Variants in GLRA1 observed in about 807,000 individuals in gnomAD.
The protein encoded by GLRA1 is glycine receptor alpha 1.
In GLRA1, 37 loss-of-function variants were observed where a neutral mutation model predicts 48.3. That is an observed-to-expected ratio of 0.77 (90% confidence interval 0.59 to 1.01). The LOEUF (loss-of-function observed/expected upper bound fraction) is 1.01, where lower values mean the gene tolerates loss of function less well. GLRA1 is among the 50% of genes least tolerant of loss of function. GLRA1 has a pLI of 0.00. For missense variants in GLRA1, 427 were observed against 571.0 expected (o/e 0.75, Z 2.57); for synonymous variants, 196 against 210.7 (o/e 0.93, Z 0.60).
At chr5:151,824,195 C>T (rs889366075) in intron 8 of GLRA1, among the ~76,000 whole-genome samples, 1 of 151,552 alleles carries the variant, frequency 6.6e-6, no homozygotes, top group African/African-American at 2.4e-5. Context: ...ATGGGGGTCT[C>T]GCTATGTTGC....
chr5:151,832,477 C>A (rs774302096), intron 7 of GLRA1, among the ~76,000 whole-genome samples: 12 of 152,026 alleles, frequency 7.9e-5, no homozygotes, highest in Admixed American at 3.9e-4. Flanking sequence ...AGCTGAAAAA[C>A]ACAGCGCAAG....
chr5:151,886,774 C>G lies in GLRA1; in HGVS notation c.199G>C (p.Val67Leu). The change falls in exon 3 of 9, where the codon GTG becomes CTG. Residue 67 changes from valine to leucine, a missense_variant. Physicochemically the swap from Val to Leu is conservative, Grantham distance 32. This residue lies in a region of GLRA1 where 271 missense variants were observed against 434.9 expected (regional missense o/e 0.62). Coordinates refer to ENST00000274576, the MANE Select transcript of GLRA1 (RefSeq NM_000171.4). Reference protein sequence around the residue: ...RPNFKGPPVNVSCNIFINSFG... With the variant: ...RPNFKGPPVNLSCNIFINSFG... ...CTGTTGATGAAAATGTTGCAGCTCA[C>G]GTTCACTGGGGGACCTGCCAATCAA... The G allele has an allele frequency of 6.2e-7, 1 of 1,612,950 alleles. No homozygotes were observed. Among genetic ancestry groups the G allele is most frequent in the East Asian group, 2.2e-5 (1 of 44,882 alleles).
intron 7 of GLRA1, among the ~76,000 whole-genome samples, chr5:151,830,691 A>G (rs1482920615): frequency 6.6e-6 from 1 of 152,236 alleles, no homozygotes; most frequent in Admixed American, 6.5e-5. Flanking sequence ...CTGACTACCA[A>G]CCTGAGCAGA....
chr5:151,856,430 G>A (rs778280878), intron 4 of GLRA1, 47 bp from the exon 5 acceptor site: 14 of 1,225,468 alleles, frequency 1.1e-5, no homozygotes, highest in Non-Finnish European at 1.7e-5. Flanking sequence ...GCACATCAGG[G>A]AGGCTGTGCC....
chr5:151,838,086 C>T (rs982430701), intron 7 of GLRA1, among the ~76,000 whole-genome samples: 6 of 152,094 alleles, frequency 3.9e-5, no homozygotes, highest in African/African-American at 9.7e-5. Flanking sequence ...TAGACAAAGA[C>T]TTTAAATCAG....
At chr5:151,897,377 C>A (rs900212631) in intron 1 of GLRA1, among the ~76,000 whole-genome samples, 1 of 152,036 alleles carries the variant, frequency 6.6e-6, no homozygotes, top group East Asian at 1.9e-4. Flanking sequence ...GACAGAGGAG[C>A]TGGGAATGAA....
intron 1 of GLRA1, among the ~76,000 whole-genome samples, chr5:151,913,878 TAGAA>T (rs1338699617): frequency 1.3e-5 from 2 of 152,194 alleles, no homozygotes; most frequent in Admixed American, 6.5e-5. Flanking sequence ...ATCCAGCTCT[TAGAA>T]AGGTGTCAGG....
At chr5:151,830,882 G>A (rs944664304) in intron 7 of GLRA1, among the ~76,000 whole-genome samples, 2 of 152,166 alleles carry the variant, frequency 1.3e-5, no homozygotes, top group Admixed American at 6.5e-5. Context: ...GAACAGCTCC[G>A]GTCTGCAGCT....
chr5:151,919,285 A>G (rs1338927306), intron 1 of GLRA1, among the ~76,000 whole-genome samples: 6 of 152,204 alleles, frequency 3.9e-5, no homozygotes, highest in African/African-American at 1.2e-4. Flanking sequence ...AAAAACAAAA[A>G]CATAGGCTTT....
At chr5:151,914,242 A>G (rs1348886113) in intron 1 of GLRA1, among the ~76,000 whole-genome samples, 1 of 152,226 alleles carries the variant, frequency 6.6e-6, no homozygotes, top group Non-Finnish European at 1.5e-5. Context: ...GATGTCTGAG[A>G]CAGCATTGCC....
intron 1 of GLRA1, among the ~76,000 whole-genome samples, chr5:151,900,173 T>C (rs1243058318): frequency 6.6e-6 from 1 of 152,114 alleles, no homozygotes; most frequent in East Asian, 1.9e-4. Context: ...ATGAGGTACC[T>C]AGTAAAATTT....
intron 3 of GLRA1, among the ~76,000 whole-genome samples, chr5:151,867,655 A>G (rs749564060): frequency 1.3e-5 from 2 of 152,196 alleles, no homozygotes; most frequent in Non-Finnish European, 2.9e-5. Context: ...GGCATTTTCA[A>G]CCTAATTTTA....
intron 7 of GLRA1, among the ~76,000 whole-genome samples, chr5:151,846,858 C>G (rs983354176): frequency 4.6e-5 from 7 of 152,260 alleles, no homozygotes; most frequent in Admixed American, 6.5e-5. Flanking sequence ...TTATTTCTAA[C>G]TCAATAATAA....
At chr5:151,890,816 C>G (rs1345768832) in intron 2 of GLRA1, among the ~76,000 whole-genome samples, 1 of 152,182 alleles carries the variant, frequency 6.6e-6, no homozygotes, top group Non-Finnish European at 1.5e-5. Context: ...GGACAGCAAC[C>G]TTGTTATTGA....
At chr5:151,833,796 CAA>C (rs757336792) in intron 7 of GLRA1, among the ~76,000 whole-genome samples, 22 of 64,752 alleles carry the variant, frequency 3.4e-4, no homozygotes, top group Non-Finnish European at 4.0e-4. Flanking sequence ...AAGTGGAAAG[CAA>C]AAAAAAAAAA....
At chr5:151,869,463 C>T (rs1027347381) in intron 3 of GLRA1, among the ~76,000 whole-genome samples, 1 of 151,604 alleles carries the variant, frequency 6.6e-6, no homozygotes, top group Non-Finnish European at 1.5e-5. Flanking sequence ...CCTGTAATTC[C>T]AGCACTTTGG....
At chr5:151,876,711 A>T (rs546729159) in intron 3 of GLRA1, among the ~76,000 whole-genome samples, 191 of 152,292 alleles carry the variant, frequency 1.3e-3, no homozygotes, top group African/African-American at 4.3e-3. Context: ...GGATAGTGAC[A>T]TGCAAGCAGA....
At position 151,911,599 on chromosome 5, in the gene GLRA1, A is replaced by AT. The variant is rs1561581932; in HGVS notation, c.56+12894_56+12895insA. On this transcript the variant is annotated intron_variant, in intron 1 of 8. Coordinates refer to ENST00000274576, the MANE Select transcript of GLRA1 (RefSeq NM_000171.4). ...TATGTATGATTGATTCCCAAGCTAGAGTTTTTTTTTTTTTTTTTTTTTTTG... is the reference window on the plus strand; with the variant it reads ...TATGTATGATTGATTCCCAAGCTAGATGTTTTTTTTTTTTTTTTTTTTTTTG... 1.1e-3 allele frequency among the ~76,000 whole-genome samples: 141 copies of AT among 128,068 alleles called. 1 individual carries two copies. The highest frequency in any genetic ancestry group is 3.9e-3 in the African/African-American group (130 of 33,446). 84.0% of individuals were successfully genotyped at this position (128,068 alleles called of 152,430 possible).
intron 1 of GLRA1, 36 bp from the exon 2 acceptor site, chr5:151,892,474 T>C (rs760159852): frequency 6.2e-7 from 1 of 1,611,980 alleles, no homozygotes; most frequent in East Asian, 2.2e-5. Context: ...AGGTTAATGA[T>C]GGCTCTTTCT....
Sources: gnomAD v4.1 joint callset for allele counts (sites outside exome capture counted in the v4.1 genomes callset) on GRCh38, gnomAD v4.1.1 for gene constraint, gnomAD v4.1.1 regional missense constraint, MANE v1.5 for transcripts, NCBI Gene and HGNC (gene_info 2026-07-23, HGNC 2026-07-21) for gene names.